Variants in AFF3 observed in about 807,000 individuals in gnomAD.
AFF3 encodes the protein ALF transcription elongation factor 3.
In AFF3, 32 loss-of-function variants were observed where a neutral mutation model predicts 129.7. That is an observed-to-expected ratio of 0.25 (90% confidence interval 0.19 to 0.33). The LOEUF (loss-of-function observed/expected upper bound fraction) is 0.33. Ranked by LOEUF, AFF3 falls within the 10% of genes least tolerant of loss-of-function variation. The probability of loss-of-function intolerance (pLI) is 1.00; values close to 1 mark genes in which losing one functional copy is unlikely to be tolerated. For synonymous variants in AFF3, 644 were observed against 635.4 expected (o/e 1.01, Z -0.20); for missense variants, 1,373 against 1,592.0 (o/e 0.86, Z 2.34).
In AFF3 at chr2:99,594,223, G is replaced by A. The variant is rs750811929; in HGVS notation, c.1438C>T (p.Pro480Ser). The change falls in exon 15 of 25, where the codon CCT (proline) becomes TCT (serine). Residue 480 changes from proline to serine, a missense_variant. This residue lies in a region of AFF3 where 413 missense variants were observed against 424.4 expected (regional missense o/e 0.97). Coordinates refer to ENST00000672756, the MANE Select transcript of AFF3 (RefSeq NM_001386135.1). ...KWLNKVNPHK[P>S]PILIQNESHG... ...CTTTCATTTTGGATCAGAATAGGAG[G>A]CTTGTGGGGATTAACTTTGTTTAGC... 1.2e-6 allele frequency: 2 copies of A among 1,613,674 alleles called. No homozygotes were observed. Among genetic ancestry groups the A allele is most frequent in the East Asian group, 2.2e-5 (1 of 44,878 alleles).
At chr2:99,581,228 G>A (rs539985351) in intron 17 of AFF3, among the ~76,000 whole-genome samples, 11 of 152,298 alleles carry the variant, frequency 7.2e-5, no homozygotes, top group African/African-American at 9.6e-5. Context: ...AGTTCTCTGC[G>A]TATCATAGTT....
chr2:99,907,649 G>A (rs866763422), intron 7 of AFF3, among the ~76,000 whole-genome samples: 4 of 143,626 alleles, frequency 2.8e-5, no homozygotes, highest in Admixed American at 7.0e-5. Flanking sequence ...TTGTTGTTTT[G>A]TTTTTTTTAG....
At chr2:99,930,648 A>T (rs1433971506) in intron 7 of AFF3, among the ~76,000 whole-genome samples, 2 of 152,022 alleles carry the variant, frequency 1.3e-5, no homozygotes, top group South Asian at 2.1e-4. Context: ...GCAATCTGAG[A>T]CTTGGGTTCA....
chr2:99,984,842 G>C (rs756395827), intron 7 of AFF3, among the ~76,000 whole-genome samples: 8 of 152,164 alleles, frequency 5.3e-5, no homozygotes, highest in Non-Finnish European at 1.2e-4. Flanking sequence ...TGCAGTGTGT[G>C]AGGAGGACAG....
intron 7 of AFF3, among the ~76,000 whole-genome samples, chr2:99,991,095 C>T (rs1680297894): frequency 6.6e-6 from 1 of 152,112 alleles, no homozygotes; most frequent in Non-Finnish European, 1.5e-5. Flanking sequence ...ATGCTGCTCA[C>T]CTGCCCCTAC....
At chr2:99,762,236 C>T (rs760391501) in intron 8 of AFF3, among the ~76,000 whole-genome samples, 5 of 151,864 alleles carry the variant, frequency 3.3e-5, no homozygotes, top group Middle Eastern at 3.2e-3. Flanking sequence ...GCGATTCTCC[C>T]GCCTCAGCCT....
chr2:100,103,818 G>C (rs1386590461), intron 4 of AFF3, among the ~76,000 whole-genome samples: 1 of 152,028 alleles, frequency 6.6e-6, no homozygotes, highest in East Asian at 1.9e-4. Context: ...GTCTCCCTGG[G>C]CTAAGGCCTC....
At chr2:99,661,958 G>A (rs1049635195) in intron 12 of AFF3, among the ~76,000 whole-genome samples, 5 of 152,108 alleles carry the variant, frequency 3.3e-5, no homozygotes, top group Admixed American at 1.3e-4. Context: ...TGGCCAACGC[G>A]GTGAAACCCC....
At chr2:100,096,238 C>T (rs1012376063) in intron 4 of AFF3, among the ~76,000 whole-genome samples, 7 of 151,852 alleles carry the variant, frequency 4.6e-5, no homozygotes, top group African/African-American at 9.7e-5. Context: ...CATTCGAGCC[C>T]GATACAACAG....
chr2:99,966,722 A>AAAAAAAAG (rs1677812507), intron 7 of AFF3, among the ~76,000 whole-genome samples: 1 of 130,510 alleles, frequency 7.7e-6, no homozygotes, highest in Non-Finnish European at 1.7e-5. Context: ...AAAAAAAAAA[A>AAAAAAAAG]GAAAATGAAG....
intron 4 of AFF3, among the ~76,000 whole-genome samples, chr2:100,083,557 A>C (rs1398626490): frequency 6.6e-6 from 1 of 152,158 alleles, no homozygotes; most frequent in Non-Finnish European, 1.5e-5. Flanking sequence ...CTCACAAAGC[A>C]ATAGAGTTCT....
intron 18 of AFF3, among the ~76,000 whole-genome samples, chr2:99,577,412 TGG>T (rs1677103018): frequency 6.6e-6 from 1 of 152,134 alleles, no homozygotes; most frequent in Non-Finnish European, 1.5e-5. Context: ...GAGCGAGCTG[TGG>T]CATTTGTCAC....
chr2:99,856,808 T>C (rs534095219), intron 7 of AFF3, among the ~76,000 whole-genome samples: 1 of 152,168 alleles, frequency 6.6e-6, no homozygotes, highest in Non-Finnish European at 1.5e-5. Flanking sequence ...TTAAATTATA[T>C]ATAAGTATGT....
chr2:99,559,946 T>C (rs1176287066), intron 21 of AFF3, among the ~76,000 whole-genome samples: 1 of 152,274 alleles, frequency 6.6e-6, no homozygotes, highest in African/African-American at 2.4e-5. Context: ...CGTTCCCTTT[T>C]TTCTGTGGCA....
chr2:100,088,975 C>G (rs1689660210), intron 4 of AFF3, among the ~76,000 whole-genome samples: 1 of 148,328 alleles, frequency 6.7e-6, no homozygotes, highest in Non-Finnish European at 1.5e-5. Flanking sequence ...GTAATATAAA[C>G]CAAACACAAA....
intron 4 of AFF3, among the ~76,000 whole-genome samples, chr2:100,031,488 T>C (rs908999681): frequency 6.6e-6 from 1 of 152,194 alleles, no homozygotes; most frequent in African/African-American, 2.4e-5. Context: ...TTCCTTGCCC[T>C]GTAGCTGAGT....
chr2:99,925,079 T>C (rs971707394), intron 7 of AFF3, among the ~76,000 whole-genome samples: 5 of 152,014 alleles, frequency 3.3e-5, no homozygotes, highest in Admixed American at 6.6e-5. Flanking sequence ...GGTCTTACTA[T>C]GTTGCCTAGG....
chr2:100,051,841 G>C (rs1168685893), intron 4 of AFF3, among the ~76,000 whole-genome samples: 1 of 152,194 alleles, frequency 6.6e-6, no homozygotes, highest in Non-Finnish European at 1.5e-5. Context: ...AGAGTAATTA[G>C]ATTACAATCT....
At chr2:100,087,567 T>C (rs1205776613) in intron 4 of AFF3, among the ~76,000 whole-genome samples, 1 of 151,934 alleles carries the variant, frequency 6.6e-6, no homozygotes, top group Non-Finnish European at 1.5e-5. Flanking sequence ...ATTTGATTAT[T>C]CTTACTTACA....
Sources: allele counts gnomAD v4.1 joint callset (sites outside exome capture counted in the v4.1 genomes callset), GRCh38; gene constraint gnomAD v4.1.1; regional missense constraint gnomAD v4.1.1; transcripts MANE v1.5; gene names NCBI Gene and HGNC (gene_info 2026-07-23, HGNC 2026-07-21).